HS1BP3: variants seen among roughly 807,000 people sequenced by gnomAD.
HS1BP3 encodes the protein HCLS1 binding protein 3, also known as HCLS1-binding protein 3.
Under a neutral mutation model 33.5 loss-of-function variants are expected in HS1BP3, and 32 were observed. That is an observed-to-expected ratio of 0.95 (90% confidence interval 0.72 to 1.28). The LOEUF (loss-of-function observed/expected upper bound fraction) is 1.28, where lower values mean the gene tolerates loss of function less well. Among genes scored for constraint, HS1BP3 ranks in the 50% most tolerant of loss-of-function variants. The pLI is 0.00. For synonymous variants in HS1BP3, 187 were observed against 209.2 expected (o/e 0.89, Z 0.92); for missense variants, 486 against 502.3 (o/e 0.97, Z 0.31).
At chr2:20,561,539 C>A (rs1326135980) in intron 5 of HS1BP3, among the ~76,000 whole-genome samples, 2 of 152,036 alleles carry the variant, frequency 1.3e-5, no homozygotes, top group African/African-American at 4.8e-5. Context: ...CACATACAAC[C>A]CCTCCCCACC....
At chr2:20,562,416 C>T (rs920792153) in intron 5 of HS1BP3, among the ~76,000 whole-genome samples, 8 of 152,282 alleles carry the variant, frequency 5.3e-5, no homozygotes, top group African/African-American at 1.9e-4. Context: ...GAGTTTGAGG[C>T]TGTAGTGAGC....
At chr2:20,640,697 T>C in intron 3 of HS1BP3, 1 of 584,212 alleles carries the variant, frequency 1.7e-6, no homozygotes, top group Non-Finnish European at 3.1e-6. Flanking sequence ...GCTCTAGGAA[T>C]GGGGCTGGCC....
At chr2:20,617,410 CGGA>C (rs528379924), downstream of HS1BP3, among the ~76,000 whole-genome samples, 2,054 of 152,228 alleles carry the variant, frequency 0.013, 27 homozygotes, top group Non-Finnish European at 0.021. Context: ...TGGGTTAAGA[CGGA>C]GGAGGAGGGA....
Position 20,638,117 on chromosome 2 carries a change from C to T in HS1BP3, c.623+319G>A, listed in dbSNP as rs78055872. On this transcript the variant is annotated intron_variant, in intron 4 of 6. Transcript: ENST00000304031. ...GAGCACCCAGTCCTCCCACACTAGC[C>T]GGACAGGCCCGCAGCCTGCACTACT... 42 of 507,088 alleles carry T rather than the reference C, an allele frequency of 8.3e-5. 1 individual carries two copies. Among genetic ancestry groups the T allele is most frequent in the South Asian group, 5.3e-4 (16 of 30,182 alleles). The allele number at this position is 507,088 out of a possible 1,614,324, so 31.4% of individuals were successfully genotyped here.
chr2:20,579,732 C>G (rs1015099657), intron 5 of HS1BP3, among the ~76,000 whole-genome samples: 1 of 152,220 alleles, frequency 6.6e-6, no homozygotes, highest in Non-Finnish European at 1.5e-5. Context: ...CCTCCAGGAC[C>G]AGGGCCTGGC....
chr2:20,589,553 G>A (rs371516283), downstream of HS1BP3, among the ~76,000 whole-genome samples: 88 of 152,316 alleles, frequency 5.8e-4, 1 homozygote, highest in South Asian at 0.015. Flanking sequence ...CCCATAAGCG[G>A]CAGCTGGTCA....
At chr2:20,583,104 G>A (rs1302055913) in intron 5 of HS1BP3, among the ~76,000 whole-genome samples, 1 of 152,206 alleles carries the variant, frequency 6.6e-6, no homozygotes, top group Admixed American at 6.5e-5. Flanking sequence ...AGCAAGGAGG[G>A]GCGATGGAGC....
chr2:20,629,760 C>T (rs557467494), intron 4 of HS1BP3, among the ~76,000 whole-genome samples: 84 of 152,344 alleles, frequency 5.5e-4, no homozygotes, highest in Non-Finnish European at 9.4e-4. Flanking sequence ...GTATTCCTGA[C>T]GGCAGACAGA....
chr2:20,615,324 G>A (rs1192172755), downstream of HS1BP3, among the ~76,000 whole-genome samples: 4 of 152,202 alleles, frequency 2.6e-5, no homozygotes, highest in Non-Finnish European at 4.4e-5. Flanking sequence ...AGGATGCTGT[G>A]GGCTGCATGA....
chr2:20,583,760 A>C (rs7562217), intron 5 of HS1BP3, among the ~76,000 whole-genome samples: 5,973 of 152,220 alleles, frequency 0.039, 371 homozygotes, highest in African/African-American at 0.13. Context: ...AAGCCCTCAG[A>C]GGAGCCTCTC....
At chr2:20,640,256 C>T (rs946711821) in intron 3 of HS1BP3, 6 of 152,432 alleles carry the variant, frequency 3.9e-5, no homozygotes, top group Admixed American at 2.0e-4. Context: ...GTTGACAGGA[C>T]TAACCGAGGA....
At position 20,600,956 on chromosome 2, in the gene HS1BP3, G is replaced by C. The variant is rs184939273; in HGVS notation, c.179-2691C>G. Among the ~76,000 whole-genome samples, 42 of 152,156 alleles carry C rather than the reference G, an allele frequency of 2.8e-4. No individual in the cohort carries two copies. The East Asian group carries it at 6.8e-3, about 24-fold the overall frequency. On this transcript the variant is annotated intron_variant, in intron 2 of 3. Coordinates refer to the HS1BP3 transcript ENST00000415264. ...CTTCAGTTAATGAAACCCACAAGAGGGCACTGTTTCGGAGAGTTAAACTTT... is the reference window on the plus strand; with the variant it reads ...CTTCAGTTAATGAAACCCACAAGAGCGCACTGTTTCGGAGAGTTAAACTTT...
intron 5 of HS1BP3, among the ~76,000 whole-genome samples, chr2:20,583,896 C>T (rs561387146): frequency 1.3e-5 from 2 of 152,286 alleles, no homozygotes; most frequent in East Asian, 3.9e-4. Flanking sequence ...CAGCATAGCA[C>T]CTGCACAATG....
intron 3 of HS1BP3, among the ~76,000 whole-genome samples, chr2:20,596,472 T>G (rs746818347): frequency 6.6e-6 from 1 of 152,178 alleles, no homozygotes; most frequent in Non-Finnish European, 1.5e-5. Flanking sequence ...GCCTTGCCAC[T>G]TTCACATGTG....
At chr2:20,632,258 CA>C (rs1296072570) in intron 4 of HS1BP3, among the ~76,000 whole-genome samples, 1 of 152,246 alleles carries the variant, frequency 6.6e-6, no homozygotes, top group African/African-American at 2.4e-5. Flanking sequence ...TCCCTGGTCG[CA>C]GTAAGCTCTG....
intron 5 of HS1BP3, among the ~76,000 whole-genome samples, chr2:20,580,882 T>C (rs996607040): frequency 3.9e-5 from 6 of 152,248 alleles, no homozygotes; most frequent in African/African-American, 1.2e-4. Context: ...TCAGTGTGCA[T>C]GGACCATGTG....
At chr2:20,622,041 T>C in intron 6 of HS1BP3, 1 of 470,778 alleles carries the variant, frequency 2.1e-6, no homozygotes, top group Admixed American at 3.8e-5. Context: ...ACATCTAGAC[T>C]AGAGGCCCTG....
At chr2:20,635,831 T>C (rs542933379) in intron 4 of HS1BP3, 1 of 152,198 alleles carries the variant, frequency 6.6e-6, no homozygotes, top group East Asian at 1.9e-4. Flanking sequence ...CTATCTTTAA[T>C]TGCTCTCTAA....
At chr2:20,640,947 G>C (rs1273656948) in intron 3 of HS1BP3, 26 bp downstream of exon 3, 1 of 1,611,256 alleles carries the variant, frequency 6.2e-7, no homozygotes, top group African/African-American at 1.3e-5. Context: ...GGAGACCTGA[G>C]GGACATGGGG....
Sources: allele counts gnomAD v4.1 joint callset (sites outside exome capture counted in the v4.1 genomes callset), GRCh38; gene constraint gnomAD v4.1.1; transcripts MANE v1.5; gene names NCBI Gene and HGNC (gene_info 2026-07-23, HGNC 2026-07-21).